Variants in CDH13 observed in about 807,000 individuals in gnomAD.
CDH13 encodes cadherin 13.
In CDH13, 24 loss-of-function variants were observed where a neutral mutation model predicts 63.8. The observed-to-expected ratio is 0.38, with a 90% CI of 0.27 to 0.53. The LOEUF (loss-of-function observed/expected upper bound fraction) is 0.53. CDH13 is among the 20% of genes least tolerant of loss of function. The probability of loss-of-function intolerance (pLI) is 0.85; values close to 1 mark genes in which losing one functional copy is unlikely to be tolerated. For missense variants in CDH13, 1,049 were observed against 903.1 expected (o/e 1.16, Z -2.07); for synonymous variants, 503 against 355.3 (o/e 1.42, Z -4.67).
At chr16:83,251,924 A>G (rs1420109114) in intron 5 of CDH13, among the ~76,000 whole-genome samples, 1 of 152,016 alleles carries the variant, frequency 6.6e-6, no homozygotes, top group Non-Finnish European at 1.5e-5. Context: ...AGTTTAATCT[A>G]TAGCCCCTGA....
intron 2 of CDH13, among the ~76,000 whole-genome samples, chr16:83,006,736 A>G (rs549460127): frequency 6.6e-6 from 1 of 152,320 alleles, no homozygotes; most frequent in South Asian, 2.1e-4. Flanking sequence ...TCTTTTCAAA[A>G]TTGTGGCAAC....
chr16:83,198,074 T>C (rs1323122788), intron 4 of CDH13, among the ~76,000 whole-genome samples: 3 of 152,232 alleles, frequency 2.0e-5, no homozygotes. Flanking sequence ...CATTTTAGTA[T>C]AGTTAACTAT....
At chr16:82,964,712 G>C (rs1406068150) in intron 2 of CDH13, among the ~76,000 whole-genome samples, 1 of 152,138 alleles carries the variant, frequency 6.6e-6, no homozygotes, top group Non-Finnish European at 1.5e-5. Flanking sequence ...GTGTAATTTA[G>C]AAGCTGTGCA....
In CDH13 at chr16:83,351,267, C is replaced by T. The variant is rs1294269918; in HGVS notation, c.781+6261C>T. 2.8e-5 allele frequency among the ~76,000 whole-genome samples: 4 copies of T among 141,870 alleles called. No individual in the cohort carries two copies. In the East Asian group the frequency reaches 6.3e-4, roughly 23 times the overall value. 93.1% of individuals were successfully genotyped at this position (141,870 alleles called of 152,430 possible). On this transcript the variant is annotated intron_variant, in intron 6 of 13. Transcript: ENST00000567109. ...TCCTATGTGTTTCTGGAATATCAGG[C>T]ATGTGGCTATTTCTTTTTTTTTTTT... is the stretch of plus-strand genomic sequence containing the variant.
chr16:83,491,611 A>G (rs1200004264), intron 7 of CDH13, among the ~76,000 whole-genome samples: 6 of 151,414 alleles, frequency 4.0e-5, no homozygotes, highest in African/African-American at 1.5e-4. Flanking sequence ...TTTCCAAAAT[A>G]GACTCATAAA....
At chr16:83,419,465 C>A (rs1406446825) in intron 6 of CDH13, among the ~76,000 whole-genome samples, 2 of 152,232 alleles carry the variant, frequency 1.3e-5, no homozygotes, top group Non-Finnish European at 2.9e-5. Flanking sequence ...AATAAGTTAC[C>A]TTCTACTTTT....
At chr16:83,268,760 T>G (rs1304373344) in intron 5 of CDH13, among the ~76,000 whole-genome samples, 4 of 152,218 alleles carry the variant, frequency 2.6e-5, no homozygotes, top group African/African-American at 9.6e-5. Context: ...ATATAGTCCA[T>G]GAACTACTAT....
intron 1 of CDH13, among the ~76,000 whole-genome samples, chr16:82,634,217 A>G (rs1430816974): frequency 6.6e-6 from 1 of 152,240 alleles, no homozygotes; most frequent in African/African-American, 2.4e-5. Flanking sequence ...AGCCTGGGGA[A>G]TGGAAGGAAG....
chr16:82,633,990 C>T (rs1487628979), intron 1 of CDH13, among the ~76,000 whole-genome samples: 1 of 152,198 alleles, frequency 6.6e-6, no homozygotes, highest in Admixed American at 6.5e-5. Context: ...AAGTCAAATT[C>T]TAGAAAACTA....
At chr16:82,650,491 G>A (rs16957999) in intron 1 of CDH13, among the ~76,000 whole-genome samples, 33,751 of 152,050 alleles carry the variant, frequency 0.22, 5,137 homozygotes, top group African/African-American at 0.43. Flanking sequence ...GGCATGAGAA[G>A]TCCTAAAAGC....
At chr16:83,105,886 A>G (rs2034739260) in intron 3 of CDH13, among the ~76,000 whole-genome samples, 1 of 152,222 alleles carries the variant, frequency 6.6e-6, no homozygotes, top group African/African-American at 2.4e-5. Flanking sequence ...CGAAGATGGT[A>G]TCCCAGTTAG....
At chr16:83,740,933 G>A (rs566739126) in intron 10 of CDH13, among the ~76,000 whole-genome samples, 20 of 152,304 alleles carry the variant, frequency 1.3e-4, no homozygotes, top group African/African-American at 4.1e-4. Flanking sequence ...CTGTAACTTC[G>A]GAAGGCTGAG....
chr16:83,126,887 A>T (rs377122342), intron 4 of CDH13, among the ~76,000 whole-genome samples: 1 of 152,224 alleles, frequency 6.6e-6, no homozygotes, highest in African/African-American at 2.4e-5. Flanking sequence ...CAGAAACAAG[A>T]ACATTGCAGA....
At chr16:82,912,249 G>C (rs1334725537) in intron 2 of CDH13, among the ~76,000 whole-genome samples, 1 of 27,398 alleles carries the variant, frequency 3.6e-5, no homozygotes, top group Non-Finnish European at 8.9e-5. Flanking sequence ...TAACTATTTA[G>C]TGAATTCATC....
chr16:83,293,903 C>T (rs1597683388), intron 5 of CDH13, among the ~76,000 whole-genome samples: 1 of 152,068 alleles, frequency 6.6e-6, no homozygotes, highest in African/African-American at 2.4e-5. Context: ...ATACTATGCC[C>T]TTAGCATGTA....
chr16:83,612,629 T>G (rs1908953913), intron 8 of CDH13, among the ~76,000 whole-genome samples: 1 of 152,024 alleles, frequency 6.6e-6, no homozygotes, highest in South Asian at 2.1e-4. Flanking sequence ...TTTACTTGGG[T>G]TTTTTTATAA....
rs532005410 is a variant in CDH13, at chr16:83,079,503, A to G, written c.367-45882A>G. ...AAAATATGTGCTTTAATGAGACTTA[A>G]ATGGAAATAATATTTCCACCAAATG... On this transcript the variant is annotated intron_variant, in intron 3 of 13. Coordinates refer to ENST00000567109, the MANE Select transcript of CDH13 (RefSeq NM_001257.5). Among the ~76,000 whole-genome samples the G allele has an allele frequency of 3.9e-5, 6 of 152,292 alleles. No homozygotes were observed. The East Asian group carries it at 1.2e-3, about 29-fold the overall frequency.
chr16:82,973,185 C>T (rs537975329), intron 2 of CDH13, among the ~76,000 whole-genome samples: 1 of 152,350 alleles, frequency 6.6e-6, no homozygotes, highest in South Asian at 2.1e-4. Flanking sequence ...CTTCTACCAA[C>T]GTTCACTCTG....
At chr16:82,875,645 A>T (rs914528483) in intron 2 of CDH13, among the ~76,000 whole-genome samples, 7 of 152,252 alleles carry the variant, frequency 4.6e-5, no homozygotes, top group Non-Finnish European at 8.8e-5. Context: ...AAAGTTTAAA[A>T]CATGACTCAC....
Sources: allele counts gnomAD v4.1 joint callset (sites outside exome capture counted in the v4.1 genomes callset), GRCh38; gene constraint gnomAD v4.1.1; transcripts MANE v1.5; gene names NCBI Gene and HGNC (gene_info 2026-07-23, HGNC 2026-07-21).